Variants in FSIP1 observed in about 807,000 individuals in gnomAD.
FSIP1 encodes the protein fibrous sheath-interacting protein 1.
Under a neutral mutation model 60.9 loss-of-function variants are expected in FSIP1, and 65 were observed. The ratio of observed to expected loss-of-function variants is 1.07; its 90% CI spans 0.87 to 1.31. The LOEUF (loss-of-function observed/expected upper bound fraction) is 1.31. Ranked by LOEUF, FSIP1 falls within the 40% of genes most tolerant of loss-of-function variation. The pLI, the probability that FSIP1 is intolerant of heterozygous loss-of-function variation, is 0.00. For missense variants in FSIP1, 675 were observed against 665.5 expected, an observed-to-expected ratio of 1.01 and a Z score of -0.16; for synonymous variants, 209 against 221.2, an observed-to-expected ratio of 0.94 and a Z score of 0.49.
intron 8 of FSIP1, among the ~76,000 whole-genome samples, chr15:39,732,311 G>T (rs4924383): frequency 0.05 from 7,613 of 152,182 alleles, 586 homozygotes; most frequent in Admixed American, 0.2. Context: ...TTCAAGAGAA[G>T]ATTACATCCA....
chr15:39,777,514 G>A (rs770541924), intron 1 of FSIP1, among the ~76,000 whole-genome samples: 3 of 152,130 alleles, frequency 2.0e-5, no homozygotes, highest in Admixed American at 6.5e-5. Flanking sequence ...CACCACCCTG[G>A]CTGCTCTATA....
At chr15:39,611,272 T>C (rs769765878) in intron 11 of FSIP1, among the ~76,000 whole-genome samples, 48 of 152,240 alleles carry the variant, frequency 3.2e-4, no homozygotes, top group Non-Finnish European at 5.9e-4. Flanking sequence ...GTGATAAAAG[T>C]TATCAGCTTA....
Position 39,600,635 on chromosome 15 carries a change from T to C in FSIP1, c.*245A>G, listed in dbSNP as rs111425464. 3 of 451,814 alleles carry C rather than the reference T, an allele frequency of 6.6e-6. No homozygotes were observed. Among genetic ancestry groups the C allele is most frequent in the Non-Finnish European group, 1.2e-5 (3 of 256,026 alleles). The allele number at this position is 451,814 out of a possible 1,614,324, so 28.0% of individuals were successfully genotyped here. A position where few individuals can be genotyped will look rare whatever the true frequency, so the allele number is the denominator to read the frequency against. ...TGGTTTTTATAATGAATCCTAATAC[T>C]GTAAGATTAGCAATAAATTTATAAA... On this transcript the variant is annotated 3_prime_UTR_variant, in exon 12 of 12. Coordinates refer to ENST00000350221, the MANE Select transcript of FSIP1 (RefSeq NM_152597.5).
intron 10 of FSIP1, among the ~76,000 whole-genome samples, chr15:39,684,475 C>T (rs1382951241): frequency 6.6e-6 from 1 of 152,062 alleles, no homozygotes; most frequent in South Asian, 2.1e-4. Flanking sequence ...AAGTGAATGA[C>T]GCACCAAGGG....
intron 5 of FSIP1, among the ~76,000 whole-genome samples, chr15:39,750,836 T>C (rs1897140216): frequency 6.6e-6 from 1 of 151,414 alleles, no homozygotes. Flanking sequence ...AAACAATCAA[T>C]AAAAGAAAAA....
chr15:39,622,238 T>G (rs539472856), intron 10 of FSIP1, among the ~76,000 whole-genome samples: 1 of 152,320 alleles, frequency 6.6e-6, no homozygotes, highest in South Asian at 2.1e-4. Flanking sequence ...ATAAACAAGT[T>G]ATTATTCATA....
At chr15:39,712,200 T>C (rs907454258) in intron 10 of FSIP1, among the ~76,000 whole-genome samples, 1 of 140,034 alleles carries the variant, frequency 7.1e-6, no homozygotes, top group Non-Finnish European at 1.5e-5. Context: ...TCTGTGTCAG[T>C]GCTGCTGCAG....
chr15:39,599,033 C>G (rs1478165830), downstream of FSIP1: 2 of 152,178 alleles, frequency 1.3e-5, no homozygotes, highest in African/African-American at 4.8e-5. Flanking sequence ...GCAATTCTCC[C>G]TCCTGCCTCA....
Position 39,626,187 on chromosome 15 carries a change from C to CT in FSIP1, c.1189-7943_1189-7942insA, listed in dbSNP as rs368703386. On this transcript the variant is annotated intron_variant, in intron 10 of 11. Coordinates refer to ENST00000350221, the MANE Select transcript of FSIP1 (RefSeq NM_152597.5). ...GAAACCTAAAGAACTTATGTATGCC[C>CT]ACAGGAGTCTCTAGAACTTTAAATA... Among the ~76,000 whole-genome samples, 265 of 152,276 alleles carry CT rather than the reference C, an allele frequency of 1.7e-3. 1 individual carries two copies. Among genetic ancestry groups the CT allele is most frequent in the African/African-American group, 6.1e-3 (252 of 41,550 alleles).
At chr15:39,625,645 A>G (rs886471732) in intron 10 of FSIP1, among the ~76,000 whole-genome samples, 41 of 152,194 alleles carry the variant, frequency 2.7e-4, no homozygotes, top group African/African-American at 9.6e-4. Context: ...TGGCCCTGTT[A>G]TCACATGTCT....
chr15:39,723,472 G>A (rs1481584833), intron 9 of FSIP1, among the ~76,000 whole-genome samples: 1 of 152,204 alleles, frequency 6.6e-6, no homozygotes, highest in East Asian at 1.9e-4. Context: ...CTTGTGATCT[G>A]TCTGCCTTGG....
At chr15:39,679,100 T>C (rs899824196) in intron 10 of FSIP1, among the ~76,000 whole-genome samples, 1 of 152,228 alleles carries the variant, frequency 6.6e-6, no homozygotes, top group African/African-American at 2.4e-5. Context: ...AATCAGTTTT[T>C]CTCTTTGTTA....
chr15:39,731,682 T>C (rs1896410526), intron 8 of FSIP1, among the ~76,000 whole-genome samples: 3 of 152,358 alleles, frequency 2.0e-5, no homozygotes, highest in Middle Eastern at 3.4e-3. Flanking sequence ...GGGGAACTTC[T>C]AGCTTTTAGG....
In FSIP1 at chr15:39,738,213, A is replaced by G; in HGVS notation, c.781-12T>C. 1 of 1,543,778 alleles carries G rather than the reference A, an allele frequency of 6.5e-7. No individual in the cohort carries two copies. Among genetic ancestry groups the G allele is most frequent in the Non-Finnish European group, 8.9e-7 (1 of 1,124,104 alleles). The stretch of plus-strand genomic sequence containing the variant: ...GATTCCTTGGCCAACTACAGAATTT[A>G]TTAATGGAAAATATCATATACTCAA... On this transcript the variant is annotated splice_polypyrimidine_tract_variant and intron_variant, in intron 7 of 11. Coordinates refer to ENST00000350221, the MANE Select transcript of FSIP1 (RefSeq NM_152597.5).
chr15:39,662,893 A>G (rs1332892152), intron 10 of FSIP1, among the ~76,000 whole-genome samples: 1 of 152,176 alleles, frequency 6.6e-6, no homozygotes, highest in African/African-American at 2.4e-5. Flanking sequence ...GAGACCATAA[A>G]TCAAAATACA....
At position 39,625,266 on chromosome 15, in the gene FSIP1, A is replaced by G. The variant is rs1891593028; in HGVS notation, c.1189-7021T>C. ...TCAAGGATCCAAGCTTTCTGTTTCT[A>G]TGTACCAGAATGAGAGAGGTGGGCT... On this transcript the variant is annotated intron_variant, in intron 10 of 11. Coordinates refer to ENST00000350221, the MANE Select transcript of FSIP1 (RefSeq NM_152597.5). Among the ~76,000 whole-genome samples, 2 of 152,104 alleles carry G rather than the reference A, an allele frequency of 1.3e-5. 1 individual carries two copies. The highest frequency in any genetic ancestry group is 4.1e-4 in the South Asian group (2 of 4,822).
chr15:39,607,505 C>T (rs966601747), intron 11 of FSIP1, among the ~76,000 whole-genome samples: 2 of 152,182 alleles, frequency 1.3e-5, no homozygotes, highest in African/African-American at 4.8e-5. Flanking sequence ...GAGTACAATG[C>T]TGAATTTACT....
chr15:39,625,026 G>A (rs1429630270), intron 10 of FSIP1, among the ~76,000 whole-genome samples: 1 of 152,196 alleles, frequency 6.6e-6, no homozygotes, highest in African/African-American at 2.4e-5. Flanking sequence ...GAACGTTGTG[G>A]TGGTGTGGGA....
At chr15:39,763,614 G>A (rs946870149) in intron 5 of FSIP1, among the ~76,000 whole-genome samples, 1 of 152,154 alleles carries the variant, frequency 6.6e-6, no homozygotes, top group Non-Finnish European at 1.5e-5. Flanking sequence ...TTACCATCAA[G>A]CAGACACAAA....
Sources: gnomAD v4.1 joint callset for allele counts (sites outside exome capture counted in the v4.1 genomes callset) on GRCh38, gnomAD v4.1.1 for gene constraint, MANE v1.5 for transcripts, NCBI Gene and HGNC (gene_info 2026-07-23, HGNC 2026-07-21) for gene names.